Variants in ROPN1B observed in about 807,000 individuals in gnomAD.
ROPN1B encodes ropporin-1B.
Under a neutral mutation model 23.7 loss-of-function variants are expected in ROPN1B, and 13 were observed. The observed-to-expected ratio is 0.55, with a 90% CI of 0.36 to 0.87. ROPN1B has a LOEUF of 0.87. Among genes scored for constraint, ROPN1B ranks in the 40% least tolerant of loss-of-function variants. The pLI, the probability that ROPN1B is intolerant of heterozygous loss-of-function variation, is 0.01. For missense variants in ROPN1B, 183 were observed against 249.2 expected (o/e 0.73, Z 1.79); for synonymous variants, 67 against 100.4 (o/e 0.67, Z 1.99).
At chr3:125,982,846 G>A (rs1580352987) in intron 6 of ROPN1B, among the ~76,000 whole-genome samples, 1 of 152,280 alleles carries the variant, frequency 6.6e-6, no homozygotes, top group Non-Finnish European at 1.5e-5. Context: ...ATGAGAGGAG[G>A]AGCAGCAAGT....
At chr3:125,971,702 AT>A (rs955264181) in intron 2 of ROPN1B, among the ~76,000 whole-genome samples, 1 of 152,138 alleles carries the variant, frequency 6.6e-6, no homozygotes, top group Non-Finnish European at 1.5e-5. Flanking sequence ...GCATAATCTT[AT>A]TTTTTTGTTT....
intron 3 of ROPN1B, among the ~76,000 whole-genome samples, chr3:125,974,653 C>A (rs28419553): frequency 0.041 from 6,230 of 152,220 alleles, 424 homozygotes; most frequent in African/African-American, 0.14. Context: ...CTGCTGCAGG[C>A]AGCCTCTTTT....
intron 1 of ROPN1B, chr3:125,970,289 C>G (rs555945034): frequency 1.3e-5 from 2 of 152,168 alleles, no homozygotes; most frequent in African/African-American, 4.8e-5. Context: ...CATCCCAAAC[C>G]CACCACCTCC....
At chr3:125,979,438 A>G (rs1938534957) in intron 5 of ROPN1B, among the ~76,000 whole-genome samples, 2 of 152,090 alleles carry the variant, frequency 1.3e-5, no homozygotes, top group Admixed American at 6.5e-5. Context: ...ATGAGGGTGG[A>G]GCCCTCATGA....
chr3:125,979,105 C>T (rs60863474), intron 5 of ROPN1B, among the ~76,000 whole-genome samples: 7,676 of 152,232 alleles, frequency 0.05, 602 homozygotes, highest in African/African-American at 0.17. Context: ...ACCCTCAGGC[C>T]TACCTCTGAA....
chr3:125,982,622 T>C (rs1938647636), intron 6 of ROPN1B, among the ~76,000 whole-genome samples, 177 bp downstream of exon 6: 1 of 152,012 alleles, frequency 6.6e-6, no homozygotes, highest in Non-Finnish European at 1.5e-5. Context: ...AAGAATGATA[T>C]AGGACAATAA....
rs543152069 is a variant in ROPN1B, at chr3:125,982,267, T to C, written c.397-3T>C. The C allele has an allele frequency of 5.1e-5, 81 of 1,599,578 alleles. No homozygotes were observed. In the South Asian group the frequency reaches 8.6e-4, roughly 17 times the overall value. On this transcript the variant is annotated splice_polypyrimidine_tract_variant and splice_region_variant and intron_variant, in intron 5 of 6. Coordinates refer to ENST00000514116, the MANE Select transcript of ROPN1B (RefSeq NM_001308313.2). ...TTCTCCTCATTTTATGTAACTTTTA[T>C]AGACTATTACCAAAACTCTCAAGAT...
chr3:125,980,156 A>C (rs1489589932), intron 5 of ROPN1B, among the ~76,000 whole-genome samples: 1 of 152,260 alleles, frequency 6.6e-6, no homozygotes, highest in Non-Finnish European at 1.5e-5. Context: ...ATATTGTGCA[A>C]GAGAATGAAG....
At chr3:125,976,856 C>T (rs2107603915) in intron 4 of ROPN1B, 148 bp from the exon 5 acceptor site, 1 of 842,928 alleles carries the variant, frequency 1.2e-6, no homozygotes, top group Non-Finnish European at 2.1e-6. Flanking sequence ...AACTGCCACA[C>T]AGAGCCATCT....
chr3:125,980,419 A>C (rs1938572497), intron 5 of ROPN1B, among the ~76,000 whole-genome samples: 1 of 152,174 alleles, frequency 6.6e-6, no homozygotes, highest in Non-Finnish European at 1.5e-5. Context: ...GGAGGACAGA[A>C]GTTCTGGGAA....
rs1450514818 is a variant in ROPN1B at position 125,983,451 on chromosome 3, G to A, written c.*131G>A. The A allele has an allele frequency of 3.3e-5, 22 of 657,354 alleles. No individual in the cohort carries two copies. Among genetic ancestry groups the A allele is most frequent in the Non-Finnish European group, 5.4e-5 (20 of 370,560 alleles). The allele number at this position is 657,354 out of a possible 1,614,324, so 40.7% of individuals were successfully genotyped here. A position where few individuals can be genotyped will look rare whatever the true frequency, so the allele number is the denominator to read the frequency against. On this transcript the variant is annotated 3_prime_UTR_variant, in exon 7 of 7. Coordinates refer to ENST00000514116, the MANE Select transcript of ROPN1B (RefSeq NM_001308313.2). Reference sequence around the variant, plus strand: ...ACTAATAAACAAACATGTGAGATCAGAAATGTGCGGAATTAAGATGTGAAA... The same window carrying A: ...ACTAATAAACAAACATGTGAGATCAAAAATGTGCGGAATTAAGATGTGAAA...
At chr3:125,971,408 G>A (rs1486903923) in intron 2 of ROPN1B, among the ~76,000 whole-genome samples, 2 of 152,170 alleles carry the variant, frequency 1.3e-5, no homozygotes, top group African/African-American at 4.8e-5. Context: ...GGATGGAATT[G>A]TATATATTTT....
At chr3:125,972,665 C>G in intron 3 of ROPN1B, 1 of 364,004 alleles carries the variant, frequency 2.7e-6, no homozygotes, top group East Asian at 7.3e-5. Flanking sequence ...GGAGACACTT[C>G]CTCCCCTGCT....
rs1261157489 is a variant in ROPN1B, at chr3:125,970,926, T to G, written c.-58-191T>G. On this transcript the variant is annotated intron_variant, in intron 1 of 6. Transcript: ENST00000514116. ...CCTGGGGGACTGTTTCTCTCCTGAC[T>G]AGAAGCAGCAATGGAGACAGGTTTC... Among the ~76,000 whole-genome samples the G allele has an allele frequency of 2.6e-5, 4 of 152,270 alleles. No individual in the cohort carries two copies. In the East Asian group the frequency reaches 7.7e-4, roughly 29 times the overall value.
At chr3:125,972,575 G>GGCA (rs775429718) in intron 3 of ROPN1B, 53 of 393,886 alleles carry the variant, frequency 1.3e-4, no homozygotes, top group Non-Finnish European at 2.2e-4. Context: ...ACCACTAGAT[G>GGCA]GCAGCAGTGC....
rs1447922918 is a variant in ROPN1B at position 125,983,237 on chromosome 3, T to A, written c.573-17T>A. The A allele has an allele frequency of 6.3e-7, 1 of 1,580,776 alleles. No homozygotes were observed. The highest frequency in any genetic ancestry group is 1.7e-5 in the Admixed American group (1 of 59,720). Reference sequence around the variant, plus strand: ...ACTGTCAATGAACTAACTGCAGATATACCTTTATCCAAACAGAATTGGTCC... The same window carrying A: ...ACTGTCAATGAACTAACTGCAGATAAACCTTTATCCAAACAGAATTGGTCC... On this transcript the variant is annotated splice_polypyrimidine_tract_variant and intron_variant, in intron 6 of 6. Transcript: ENST00000514116.
At position 125,983,362 on chromosome 3, in the gene ROPN1B, T is replaced by C. The variant is rs189799534; in HGVS notation, c.*42T>C. 65 of 1,387,024 alleles carry C rather than the reference T, an allele frequency of 4.7e-5. No individual in the cohort carries two copies. In the Middle Eastern group the frequency reaches 7.1e-4, roughly 15 times the overall value. 85.9% of individuals were successfully genotyped at this position (1,387,024 alleles called of 1,614,324 possible). A position where few individuals can be genotyped will look rare whatever the true frequency, so the allele number is the denominator to read the frequency against. Reference sequence around the variant, plus strand: ...ATTTTAAAGGAAGATACAGAGGTGATTGTACTTCAGAATGATAAACCCATA... The same window carrying C: ...ATTTTAAAGGAAGATACAGAGGTGACTGTACTTCAGAATGATAAACCCATA... On this transcript the variant is annotated 3_prime_UTR_variant, in exon 7 of 7. Coordinates refer to ENST00000514116, the MANE Select transcript of ROPN1B (RefSeq NM_001308313.2).
intron 5 of ROPN1B, chr3:125,977,940 T>A (rs1262893965): frequency 6.6e-6 from 1 of 152,372 alleles, no homozygotes; most frequent in Non-Finnish European, 1.5e-5. Flanking sequence ...ACAAATGGTA[T>A]GAAAAGGTAG....
chr3:125,982,098 A>G (rs2107609649), intron 5 of ROPN1B, among the ~76,000 whole-genome samples, 172 bp from the exon 6 acceptor site: 1 of 152,370 alleles, frequency 6.6e-6, no homozygotes, highest in East Asian at 1.9e-4. Context: ...AATATTTTTT[A>G]GAATGAATTA....
Sources: allele counts gnomAD v4.1 joint callset (sites outside exome capture counted in the v4.1 genomes callset), GRCh38; gene constraint gnomAD v4.1.1; transcripts MANE v1.5; gene names NCBI Gene and HGNC (gene_info 2026-07-23, HGNC 2026-07-21).